NCKAP5: variants seen among roughly 807,000 people sequenced by gnomAD.
NCKAP5 encodes the protein NCK associated protein 5, also known as nck-associated protein 5.
Under a neutral mutation model 167.0 loss-of-function variants are expected in NCKAP5, and 92 were observed. The ratio of observed to expected loss-of-function variants is 0.55; its 90% CI spans 0.47 to 0.66. The LOEUF is 0.66. NCKAP5 is among the 30% of genes least tolerant of loss of function. The probability of loss-of-function intolerance (pLI) is 0.00; values close to 1 mark genes in which losing one functional copy is unlikely to be tolerated. For synonymous variants in NCKAP5, 891 were observed against 877.4 expected, an observed-to-expected ratio of 1.02 and a Z score of -0.27; for missense variants, 2,378 against 2,315.0, an observed-to-expected ratio of 1.03 and a Z score of -0.56.
At chr2:132,848,658 A>G (rs1465220795) in intron 11 of NCKAP5, among the ~76,000 whole-genome samples, 1 of 152,154 alleles carries the variant, frequency 6.6e-6, no homozygotes, top group African/African-American at 2.4e-5. Context: ...GGGAAAAGCA[A>G]TCATAAAAAG....
the NCKAP5 span, among the ~76,000 whole-genome samples, chr2:133,599,473 C>T: frequency 6.6e-6 from 1 of 152,132 alleles, no homozygotes; most frequent in South Asian, 2.1e-4. Context: ...GTGAGGAATA[C>T]AGGAGTCTGG....
At position 133,330,244 on chromosome 2, in the gene NCKAP5, A is replaced by ATTT. The variant is rs765058418; in HGVS notation, c.70-27137_70-27135dup. Among the ~76,000 whole-genome samples the ATTT allele has an allele frequency of 3.4e-3, 301 of 88,100 alleles. 1 individual carries two copies. The highest frequency in any genetic ancestry group is 5.0e-3 in the East Asian group (15 of 3,010). The allele number at this position is 88,100 out of a possible 152,430, so 57.8% of individuals were successfully genotyped here. ...CACACCCAGCTACTTTATTTTTTGT[A>ATTT]TTTTTTTTTTTTTTTTTTTTTGTAG... On this transcript the variant is annotated intron_variant, in intron 3 of 19. Coordinates refer to ENST00000409261, the MANE Select transcript of NCKAP5 (RefSeq NM_207363.3).
In NCKAP5 at chr2:132,784,412, A is replaced by C; in HGVS notation, c.2399T>G (p.Leu800Arg). ...CTTGCCCCTGGGAGGTATTTTTGTC[A>C]GATTTTGCTTTTGATAGATGCCCAT... ...APMGIYQKQN[L>R]TKIPPRGKSS... is the part of the protein sequence containing the mutation. Residue 800 changes from leucine to arginine, a missense_variant, in exon 14 of 20, where the codon CTG (leucine) becomes CGG (arginine). Physicochemically the swap from Leu to Arg is moderately radical, Grantham distance 102. Transcript: ENST00000409261. 6.2e-7 allele frequency: 1 copy of C among 1,613,134 alleles called. No individual in the cohort carries two copies. Among genetic ancestry groups the C allele is most frequent in the Non-Finnish European group, 8.5e-7 (1 of 1,179,618 alleles).
At chr2:133,559,823 G>A (rs16826437) in intron 1 of NCKAP5, among the ~76,000 whole-genome samples, 5,556 of 152,204 alleles carry the variant, frequency 0.037, 442 homozygotes, top group East Asian at 0.34. Flanking sequence ...CTGGTCTAAC[G>A]TACCATGATG....
chr2:133,219,270 C>T (rs1574416284), intron 4 of NCKAP5, among the ~76,000 whole-genome samples: 1 of 152,178 alleles, frequency 6.6e-6, no homozygotes, highest in Non-Finnish European at 1.5e-5. Flanking sequence ...CCTTCCGTAT[C>T]GACAACTGGG....
intron 11 of NCKAP5, among the ~76,000 whole-genome samples, chr2:132,805,674 T>A (rs944354426): frequency 5.5e-5 from 8 of 145,804 alleles, no homozygotes; most frequent in Admixed American, 4.8e-4. Context: ...AAAAAAAAAA[T>A]GAACATTTAT....
chr2:133,622,964 T>C, the NCKAP5 span, among the ~76,000 whole-genome samples: 1 of 152,014 alleles, frequency 6.6e-6, no homozygotes, highest in East Asian at 1.9e-4. Context: ...CATAGACCAA[T>C]GCAACAGACT....
At chr2:133,472,820 C>A (rs1225163675) in intron 3 of NCKAP5, among the ~76,000 whole-genome samples, 11 of 152,186 alleles carry the variant, frequency 7.2e-5, no homozygotes, top group Non-Finnish European at 1.3e-4. Context: ...GGAATCTTCT[C>A]TCTCTCTTCT....
At chr2:133,140,199 C>T (rs1216214853) in intron 5 of NCKAP5, among the ~76,000 whole-genome samples, 1 of 152,174 alleles carries the variant, frequency 6.6e-6, no homozygotes, top group Non-Finnish European at 1.5e-5. Flanking sequence ...TCATACTTGA[C>T]TGAAGTCTTA....
At chr2:133,039,765 C>A (rs755696856) in intron 6 of NCKAP5, among the ~76,000 whole-genome samples, 5 of 152,190 alleles carry the variant, frequency 3.3e-5, no homozygotes, top group Non-Finnish European at 5.9e-5. Context: ...TCTGACTCAA[C>A]AAGCACTCCC....
At chr2:132,891,236 G>A (rs1692678008) in intron 8 of NCKAP5, among the ~76,000 whole-genome samples, 1 of 152,150 alleles carries the variant, frequency 6.6e-6, no homozygotes, top group Non-Finnish European at 1.5e-5. Flanking sequence ...GGGGGTTATG[G>A]GATCACAGAC....
Position 132,986,011 on chromosome 2 carries a change from ATG to A in NCKAP5, c.429+8139_429+8140del, listed in dbSNP as rs562221420. ...CAGCCTGTGTGCACTCAGTCACTCA[ATG>A]TACTCACTGCCGATCTACATATTTA... On this transcript the variant is annotated intron_variant, in intron 7 of 19. Transcript: ENST00000409261. 1.1e-3 allele frequency among the ~76,000 whole-genome samples: 168 copies of A among 152,272 alleles called. 1 individual carries two copies. The highest frequency in any genetic ancestry group is 3.9e-3 in the African/African-American group (163 of 41,560).
chr2:133,524,609 C>T (rs998698562), intron 2 of NCKAP5, among the ~76,000 whole-genome samples: 16 of 152,302 alleles, frequency 1.1e-4, no homozygotes, highest in Middle Eastern at 3.4e-3. Context: ...CCCAAACCCA[C>T]GACCTCCTTT....
chr2:133,643,086 C>T, the NCKAP5 span, among the ~76,000 whole-genome samples: 3 of 152,102 alleles, frequency 2.0e-5, no homozygotes, highest in Non-Finnish European at 4.4e-5. Context: ...TGTTGAAAGG[C>T]ATCCAAATCA....
chr2:133,133,996 T>C (rs2082698604), intron 5 of NCKAP5, among the ~76,000 whole-genome samples: 1 of 152,246 alleles, frequency 6.6e-6, no homozygotes, highest in South Asian at 2.1e-4. Flanking sequence ...ATGCAACTGA[T>C]ATGTTGTGAA....
chr2:133,635,376 T>C, the NCKAP5 span, among the ~76,000 whole-genome samples: 1 of 152,212 alleles, frequency 6.6e-6, no homozygotes, highest in Non-Finnish European at 1.5e-5. Context: ...TTGAAAATGA[T>C]GACAATGCAT....
chr2:132,682,697 A>AT (rs1685391408), intron 19 of NCKAP5, among the ~76,000 whole-genome samples: 1 of 152,092 alleles, frequency 6.6e-6, no homozygotes, highest in Non-Finnish European at 1.5e-5. Context: ...CCCCAAAGGT[A>AT]TTTTTGGAAT....
chr2:133,160,694 G>T (rs562260333), intron 5 of NCKAP5, among the ~76,000 whole-genome samples: 1 of 151,952 alleles, frequency 6.6e-6, no homozygotes, highest in South Asian at 2.1e-4. Flanking sequence ...TGGACAGACT[G>T]GCCCTTTTAG....
chr2:132,818,561 G>T (rs1014688516), intron 11 of NCKAP5, among the ~76,000 whole-genome samples: 1 of 152,094 alleles, frequency 6.6e-6, no homozygotes, highest in Admixed American at 6.5e-5. Context: ...GGTGGCGTGC[G>T]CCTGTAGTCC....
Sources: allele counts gnomAD v4.1 joint callset (sites outside exome capture counted in the v4.1 genomes callset), GRCh38; gene constraint gnomAD v4.1.1; transcripts MANE v1.5; gene names NCBI Gene and HGNC (gene_info 2026-07-23, HGNC 2026-07-21).